PEAK1: variants seen among roughly 807,000 people sequenced by gnomAD.
The protein encoded by PEAK1 is pseudopodium enriched atypical kinase 1, also known as inactive tyrosine-protein kinase PEAK1.
In PEAK1, 54 loss-of-function variants were observed where a neutral mutation model predicts 124.7. The observed-to-expected ratio is 0.43, with a 90% confidence interval of 0.35 to 0.54. PEAK1 has a LOEUF of 0.54. Among genes scored for constraint, PEAK1 ranks in the 20% least tolerant of loss-of-function variants. The probability of loss-of-function intolerance (pLI) is 0.01; values close to 1 mark genes in which losing one functional copy is unlikely to be tolerated. For synonymous variants in PEAK1, 719 were observed against 760.0 expected (o/e 0.95, Z 0.89); for missense variants, 2,046 against 2,134.5 (o/e 0.96, Z 0.82).
intron 1 of PEAK1, chr15:77,417,822 T>G (rs1471609248): frequency 1.0e-6 from 1 of 985,326 alleles, no homozygotes; most frequent in African/African-American, 1.7e-5. Context: ...TTATATGAAA[T>G]GTGCCAAAGC....
intron 8 of PEAK1, among the ~76,000 whole-genome samples, chr15:77,150,119 T>C (rs185450881): frequency 1.4e-4 from 22 of 152,316 alleles, no homozygotes; most frequent in African/African-American, 5.3e-4. Flanking sequence ...GCATCTATAA[T>C]CATTTTAAGT....
chr15:77,157,445 G>C (rs775250548), intron 8 of PEAK1: 1 of 152,192 alleles, frequency 6.6e-6, no homozygotes, highest in Non-Finnish European at 1.5e-5. Context: ...TGGCACTCAA[G>C]GGAGACAGGT....
chr15:77,420,772 G>A (rs904597923), upstream of PEAK1: 36 of 398,260 alleles, frequency 9.0e-5, 2 homozygotes, highest in South Asian at 2.6e-4. Flanking sequence ...TCTTCTCACC[G>A]GAGCAATTGT....
intron 2 of PEAK1, among the ~76,000 whole-genome samples, chr15:77,317,039 C>G (rs1323671041): frequency 6.6e-6 from 1 of 152,140 alleles, no homozygotes; most frequent in African/African-American, 2.4e-5. Flanking sequence ...CAAGATGGCA[C>G]CACTGCACTC....
chr15:77,200,679 TTTTG>T (rs1355601157), intron 6 of PEAK1, among the ~76,000 whole-genome samples: 28 of 152,340 alleles, frequency 1.8e-4, no homozygotes, highest in South Asian at 8.3e-4. Context: ...TCTAAAAGGC[TTTTG>T]TTTATTTATT....
intron 1 of PEAK1, among the ~76,000 whole-genome samples, chr15:77,407,814 T>C (rs1438532992): frequency 1.3e-5 from 2 of 152,060 alleles, no homozygotes; most frequent in Admixed American, 1.3e-4. Flanking sequence ...CAGGCATGTT[T>C]ATAGCAGTAC....
intron 6 of PEAK1, among the ~76,000 whole-genome samples, chr15:77,220,908 A>G (rs1013186104): frequency 2.0e-5 from 3 of 152,110 alleles, no homozygotes; most frequent in African/African-American, 7.2e-5. Context: ...AAAGTAGATT[A>G]GAAACTAAAT....
intron 6 of PEAK1, among the ~76,000 whole-genome samples, chr15:77,224,997 G>A (rs905686241): frequency 7.2e-5 from 11 of 151,756 alleles, no homozygotes; most frequent in African/African-American, 1.9e-4. Flanking sequence ...CAAATACAAT[G>A]TTCCTCAATT....
chr15:77,293,791 T>G (rs2063347173), intron 2 of PEAK1, among the ~76,000 whole-genome samples: 1 of 152,188 alleles, frequency 6.6e-6, no homozygotes, highest in Non-Finnish European at 1.5e-5. Flanking sequence ...AAGTAAAAAA[T>G]ATAGAGACAG....
At chr15:77,136,866 C>T (rs1297370179) in intron 8 of PEAK1, among the ~76,000 whole-genome samples, 2 of 152,174 alleles carry the variant, frequency 1.3e-5, no homozygotes, top group Admixed American at 6.5e-5. Context: ...GGCATGTCAA[C>T]GGTCTTCACG....
chr15:77,139,336 G>C (rs2053588204), intron 8 of PEAK1, among the ~76,000 whole-genome samples: 1 of 152,064 alleles, frequency 6.6e-6, no homozygotes, highest in Non-Finnish European at 1.5e-5. Context: ...ATAAGTAGGA[G>C]TACACTTTAA....
upstream of PEAK1, chr15:77,420,624 T>TAAA (rs10660461): frequency 0.074 from 24,223 of 328,754 alleles, 468 homozygotes; most frequent in Middle Eastern, 0.1. Context: ...GCCTTCGCAA[T>TAAA]AAAAAAAAAA....
At chr15:77,413,665 A>G (rs539687625) in intron 1 of PEAK1, among the ~76,000 whole-genome samples, 2 of 152,350 alleles carry the variant, frequency 1.3e-5, no homozygotes, top group East Asian at 3.9e-4. Context: ...GGATAACAGA[A>G]TGGAAAAAGA....
chr15:77,291,334 T>C (rs1170821241), intron 2 of PEAK1, among the ~76,000 whole-genome samples: 2 of 152,214 alleles, frequency 1.3e-5, no homozygotes, highest in Non-Finnish European at 2.9e-5. Context: ...TCAAGCAAAT[T>C]GACAGATATA....
chr15:77,316,925 A>G (rs1276286263), intron 2 of PEAK1, among the ~76,000 whole-genome samples: 1 of 152,090 alleles, frequency 6.6e-6, no homozygotes, highest in African/African-American at 2.4e-5. Context: ...TAAAAAAAAT[A>G]CAAAAATTAG....
intron 1 of PEAK1, among the ~76,000 whole-genome samples, chr15:77,378,291 C>T (rs550197379): frequency 1.1e-4 from 17 of 151,470 alleles, no homozygotes; most frequent in South Asian, 2.1e-4. Flanking sequence ...GACAATTTTA[C>T]GAAGCATCTC....
chr15:77,149,862 A>G (rs1378439833), intron 8 of PEAK1, among the ~76,000 whole-genome samples: 8 of 151,770 alleles, frequency 5.3e-5, no homozygotes, highest in Admixed American at 5.3e-4. Flanking sequence ...GATAATCTTA[A>G]CTCAGCCTCC....
chr15:77,174,993 C>A (rs1009098186), intron 7 of PEAK1, among the ~76,000 whole-genome samples: 16 of 151,304 alleles, frequency 1.1e-4, no homozygotes, highest in African/African-American at 3.9e-4. Context: ...GAAAAACAAG[C>A]AATGGGGAAA....
chr15:77,388,651 A>G (rs188333157), intron 1 of PEAK1, among the ~76,000 whole-genome samples: 73 of 152,306 alleles, frequency 4.8e-4, no homozygotes, highest in Non-Finnish European at 7.9e-4. Context: ...CTTAGAACAT[A>G]TATCTTCAAC....
Sources: gnomAD v4.1 joint callset for allele counts (sites outside exome capture counted in the v4.1 genomes callset) on GRCh38, gnomAD v4.1.1 for gene constraint, MANE v1.5 for transcripts, NCBI Gene and HGNC (gene_info 2026-07-23, HGNC 2026-07-21) for gene names.